ERCC6L2: variants seen among roughly 807,000 people sequenced by gnomAD.
ERCC6L2 encodes the protein ERCC excision repair 6 like 2.
A neutral mutation model predicts 132.0 loss-of-function variants in ERCC6L2; 77 were observed. The observed-to-expected ratio is 0.58, with a 90% CI of 0.49 to 0.71. The LOEUF (loss-of-function observed/expected upper bound fraction) is 0.71, where lower values mean the gene tolerates loss of function less well. Among genes scored for constraint, ERCC6L2 ranks in the 30% least tolerant of loss-of-function variants. ERCC6L2 has a pLI of 0.00. For synonymous variants in ERCC6L2, 583 were observed against 632.4 expected, an observed-to-expected ratio of 0.92 and a Z score of 1.17; for missense variants, 1,542 against 1,837.6, an observed-to-expected ratio of 0.84 and a Z score of 2.94.
At position 95,923,309 on chromosome 9, in the gene ERCC6L2, A is replaced by G. The variant is rs756808345; in HGVS notation, c.1463A>G (p.Asp488Gly). 6.2e-7 allele frequency: 1 copy of G among 1,613,920 alleles called. No homozygotes were observed. Among genetic ancestry groups the G allele is most frequent in the Non-Finnish European group, 8.5e-7 (1 of 1,179,888 alleles). ...GATCAGGTATTTTCCAGATTCCCAG[A>G]TTTTGTGCAGAAAAGCAAAGATGCA... ...ICDQVFSRFP[D>G]FVQKSKDAAF... Residue 488 changes from aspartate (D) to glycine (G), a missense_variant, in exon 9 of 19, where the codon GAT becomes GGT. Transcript: ENST00000653738.
At chr9:96,037,008 C>T (rs544837766) in intron 19 of ERCC6L2, among the ~76,000 whole-genome samples, 127 of 151,942 alleles carry the variant, frequency 8.4e-4, no homozygotes, top group Admixed American at 9.8e-4. Flanking sequence ...CCTCGTGATC[C>T]GCCCGCCTCG....
chr9:95,966,040 A>G (rs1041277987), intron 13 of ERCC6L2, among the ~76,000 whole-genome samples: 1 of 152,180 alleles, frequency 6.6e-6, no homozygotes, highest in African/African-American at 2.4e-5. Flanking sequence ...TTCTTTCTGT[A>G]TTCAAAATTA....
intron 17 of ERCC6L2, among the ~76,000 whole-genome samples, chr9:95,979,003 A>C (rs1832785801): frequency 6.6e-6 from 1 of 152,244 alleles, no homozygotes; most frequent in African/African-American, 2.4e-5. Context: ...AAATTACCTT[A>C]ACAATAAAAC....
intron 19 of ERCC6L2, chr9:96,038,811 C>T: frequency 2.2e-6 from 1 of 455,810 alleles, no homozygotes; most frequent in African/African-American, 2.0e-5. Context: ...GGGGGCTGGA[C>T]TTAACGATTT....
chr9:95,886,992 G>C (rs1827904838), intron 2 of ERCC6L2, among the ~76,000 whole-genome samples: 1 of 152,204 alleles, frequency 6.6e-6, no homozygotes, highest in African/African-American at 2.4e-5. Flanking sequence ...TTGGAACTTG[G>C]ACTGGCTCTC....
At chr9:95,892,663 T>A (rs1171056517) in intron 2 of ERCC6L2, among the ~76,000 whole-genome samples, 1 of 152,144 alleles carries the variant, frequency 6.6e-6, no homozygotes, top group East Asian at 1.9e-4. Context: ...CCTCAAGTGA[T>A]CCACCCACCT....
At chr9:96,001,500 T>G (rs887378384) in intron 17 of ERCC6L2, among the ~76,000 whole-genome samples, 3 of 152,172 alleles carry the variant, frequency 2.0e-5, no homozygotes, top group Non-Finnish European at 4.4e-5. Flanking sequence ...TGTCGATTGG[T>G]GCATTCACAA....
intron 16 of ERCC6L2, among the ~76,000 whole-genome samples, chr9:95,976,013 C>G (rs1832655450): frequency 6.6e-6 from 1 of 152,130 alleles, no homozygotes; most frequent in South Asian, 2.1e-4. Flanking sequence ...GGATATTACT[C>G]TGCTTGTTCT....
Position 95,951,368 on chromosome 9 carries a change from A to G in ERCC6L2, c.1848-4546A>G, listed in dbSNP as rs147914260. 4.4e-3 allele frequency among the ~76,000 whole-genome samples: 666 copies of G among 152,310 alleles called. 4 individuals carry two copies. Among genetic ancestry groups the G allele is most frequent in the Middle Eastern group, 0.017 (5 of 294 alleles). ...TTACATTAAAAAAGAATAAAGGTCT[A>G]AATCAACAATTAACTTTCCACCTTA... On this transcript the variant is annotated intron_variant, in intron 12 of 18. Coordinates refer to ENST00000653738, the MANE Select transcript of ERCC6L2 (RefSeq NM_020207.7).
chr9:95,958,234 T>C (rs1831714686), intron 13 of ERCC6L2, among the ~76,000 whole-genome samples: 1 of 152,084 alleles, frequency 6.6e-6, no homozygotes, highest in Non-Finnish European at 1.5e-5. Context: ...TAGTATTCCA[T>C]GGTGTATATG....
intron 3 of ERCC6L2, among the ~76,000 whole-genome samples, chr9:95,898,447 G>A (rs1312328765): frequency 6.6e-6 from 1 of 152,112 alleles, no homozygotes; most frequent in Non-Finnish European, 1.5e-5. Flanking sequence ...ATATAGGAAA[G>A]TTGGAATCAG....
intron 19 of ERCC6L2, among the ~76,000 whole-genome samples, chr9:96,024,974 C>T (rs1174013434): frequency 6.6e-6 from 1 of 152,182 alleles, no homozygotes; most frequent in Non-Finnish European, 1.5e-5. Flanking sequence ...ACCAAGACTT[C>T]CAGAGTTGAC....
At position 95,906,325 on chromosome 9, in the gene ERCC6L2, C is replaced by A. The variant is rs755539274; in HGVS notation, c.595-753C>A. ...CTGGGAAATATTCTAACATGCTTGT[C>A]CATAGGTGATGTGGTTCATTAAAAT... On this transcript the variant is annotated intron_variant, in intron 3 of 18. Transcript: ENST00000653738. Among the ~76,000 whole-genome samples, 6 of 151,800 alleles carry A rather than the reference C, an allele frequency of 4.0e-5. No individual in the cohort carries two copies. The South Asian group carries it at 1.0e-3, about 26-fold the overall frequency.
chr9:96,025,897 C>A (rs545888678), intron 19 of ERCC6L2: 5 of 152,308 alleles, frequency 3.3e-5, no homozygotes, highest in Admixed American at 2.6e-4. Context: ...ACACCTCCCC[C>A]CTCAGATAGA....
At chr9:95,895,678 T>C (rs529423838) in intron 2 of ERCC6L2, among the ~76,000 whole-genome samples, 1 of 152,154 alleles carries the variant, frequency 6.6e-6, no homozygotes, top group South Asian at 2.1e-4. Context: ...CCTCAGAATA[T>C]TATAACTACA....
At chr9:95,925,458 A>G (rs1403749303) in intron 9 of ERCC6L2, among the ~76,000 whole-genome samples, 1 of 152,182 alleles carries the variant, frequency 6.6e-6, no homozygotes, top group Non-Finnish European at 1.5e-5. Context: ...CCCCCAAATA[A>G]TACGATTCCT....
rs1168125161 is a variant in ERCC6L2, at chr9:95,971,978, G to C, written c.2227G>C (p.Ala743Pro). The C allele has an allele frequency of 2.3e-6, 3 of 1,304,078 alleles. No homozygotes were observed. In the South Asian group the frequency reaches 3.7e-5, roughly 16 times the overall value. The allele number at this position is 1,304,078 out of a possible 1,614,324, so 80.8% of individuals were successfully genotyped here. Residue 743 changes from alanine (A) to proline (P), a missense_variant, in exon 16 of 19, where the codon GCA becomes CCA. This residue lies in a region of ERCC6L2 where 945 missense variants were observed against 1,105.2 expected (regional missense o/e 0.86). Transcript: ENST00000653738. ...GGAATGCAGAGGTACAGAACAAGCT[G>C]CAGAGCCACTGGCAAAGGAAGCATG... ...CQECRGTEQAAEPLAKEACDL... is the reference protein window; with the variant it reads ...CQECRGTEQAPEPLAKEACDL...
chr9:95,976,125 GCTTAGGAAAT>G (rs1832660048), intron 16 of ERCC6L2, among the ~76,000 whole-genome samples: 1 of 152,138 alleles, frequency 6.6e-6, no homozygotes, highest in African/African-American at 2.4e-5. Flanking sequence ...ATGAAGCAGA[GCTTAGGAAAT>G]CTTTTCTCAC....
At chr9:95,937,272 T>C (rs898345555) in intron 11 of ERCC6L2, among the ~76,000 whole-genome samples, 3 of 152,168 alleles carry the variant, frequency 2.0e-5, no homozygotes, top group African/African-American at 7.2e-5. Flanking sequence ...CTCTGCATTT[T>C]CACTAACATT....
Sources: gnomAD v4.1 joint callset for allele counts (sites outside exome capture counted in the v4.1 genomes callset) on GRCh38, gnomAD v4.1.1 for gene constraint, gnomAD v4.1.1 regional missense constraint, MANE v1.5 for transcripts, NCBI Gene and HGNC (gene_info 2026-07-23, HGNC 2026-07-21) for gene names.